Variants in CDH4 observed in about 807,000 individuals in gnomAD.
CDH4 encodes cadherin 4, also known as cadherin-4.
In CDH4, 33 loss-of-function variants were observed where a neutral mutation model predicts 86.0. The observed-to-expected ratio is 0.38, with a 90% CI of 0.29 to 0.51. CDH4 has a LOEUF of 0.51. Among genes scored for constraint, CDH4 ranks in the 20% least tolerant of loss-of-function variants. The pLI is 0.86. For synonymous variants in CDH4, 555 were observed against 549.4 expected, an observed-to-expected ratio of 1.01 and a Z score of -0.14; for missense variants, 1,114 against 1,307.4, an observed-to-expected ratio of 0.85 and a Z score of 2.28.
At chr20:61,859,847 C>T (rs1983235792) in intron 6 of CDH4, among the ~76,000 whole-genome samples, 1 of 152,278 alleles carries the variant, frequency 6.6e-6, no homozygotes, top group Admixed American at 6.5e-5. Context: ...ATGCCCTGGC[C>T]TTCACCTGTG....
chr20:61,751,837 T>C (rs1430325889), intron 3 of CDH4, among the ~76,000 whole-genome samples: 1 of 152,146 alleles, frequency 6.6e-6, no homozygotes, highest in African/African-American at 2.4e-5. Context: ...GCTGGGCCAA[T>C]GGGGCATCTT....
chr20:61,721,341 A>G (rs557635679), intron 2 of CDH4, among the ~76,000 whole-genome samples: 211 of 152,326 alleles, frequency 1.4e-3, no homozygotes, highest in African/African-American at 4.9e-3. Context: ...ATGGTTGGCC[A>G]GGCTGCTGGA....
chr20:61,871,832 C>T (rs1983815580), intron 6 of CDH4, among the ~76,000 whole-genome samples: 1 of 152,226 alleles, frequency 6.6e-6, no homozygotes, highest in Admixed American at 6.5e-5. Context: ...CTTTGAAGTG[C>T]TCCTGCCTCC....
At chr20:61,380,523 A>ACCGC (rs141105277) in intron 2 of CDH4, among the ~76,000 whole-genome samples, 85 of 148,878 alleles carry the variant, frequency 5.7e-4, no homozygotes, top group African/African-American at 9.8e-4. Flanking sequence ...CCATCCTACA[A>ACCGC]ACCCCCCTGC....
intron 2 of CDH4, among the ~76,000 whole-genome samples, chr20:61,634,923 G>A (rs188778039): frequency 2.0e-4 from 31 of 152,250 alleles, no homozygotes; most frequent in African/African-American, 6.7e-4. Flanking sequence ...TCTTGTGACC[G>A]GCTTATTTCA....
intron 2 of CDH4, among the ~76,000 whole-genome samples, chr20:61,635,951 A>G (rs972287896): frequency 6.6e-6 from 1 of 152,208 alleles, no homozygotes; most frequent in Non-Finnish European, 1.5e-5. Flanking sequence ...AGGGAGGGGC[A>G]GAGAGCATTT....
Position 61,501,319 on chromosome 20 carries a change from G to C in CDH4, c.170-242244G>C, listed in dbSNP as rs1003820825. ...TAATACATTATTGCCTCTGGCTTCC[G>C]TGCAGAACAGCGGTTAGAGACGGGT... On this transcript the variant is annotated intron_variant, in intron 2 of 15. Transcript: ENST00000614565. This position sits in a 1 kb window ranked among gnomAD's most constrained non-coding sequence, Gnocchi z 4.2. 1.3e-5 allele frequency among the ~76,000 whole-genome samples: 2 copies of C among 152,176 alleles called. No homozygotes were observed. Among genetic ancestry groups the C allele is most frequent in the Non-Finnish European group, 1.5e-5 (1 of 68,026 alleles).
chr20:61,472,797 A>G (rs2085512538), intron 2 of CDH4, among the ~76,000 whole-genome samples: 1 of 152,226 alleles, frequency 6.6e-6, no homozygotes, highest in Admixed American at 6.5e-5. Flanking sequence ...AGCAAATAAT[A>G]CTGCTGAATG....
intron 4 of CDH4, among the ~76,000 whole-genome samples, chr20:61,820,728 T>C (rs375283181): frequency 1.3e-5 from 2 of 152,298 alleles, no homozygotes; most frequent in East Asian, 3.9e-4. Context: ...ACCCCTGGGT[T>C]ACTGCATACA....
At chr20:61,434,271 T>C (rs1474728709) in intron 2 of CDH4, among the ~76,000 whole-genome samples, 1 of 152,178 alleles carries the variant, frequency 6.6e-6, no homozygotes, top group Non-Finnish European at 1.5e-5. Flanking sequence ...AGACTTTGCA[T>C]AATCGAATTT....
rs869235928 is a variant in CDH4, at chr20:61,422,424, CAAAAAAAAAAAAAAAAAAAAAAA to C, written c.169+167508_169+167530del. Among the ~76,000 whole-genome samples the C allele has an allele frequency of 9.4e-4, 21 of 22,260 alleles. No individual in the cohort carries two copies. The South Asian group carries it at 0.018, about 19-fold the overall frequency. The allele number at this position is 22,260 out of a possible 152,430, so 14.6% of individuals were successfully genotyped here. On this transcript the variant is annotated intron_variant, in intron 2 of 15. Transcript: ENST00000614565. ...GGGCAATAAGAGCAAAACTCCGTCT[CAAAAAAAAAAAAAAAAAAAAAAA>C]AAAAAAAAAAAAAAAAAAAACCAAA...
In CDH4 at chr20:61,810,830, G is replaced by C. The variant is rs1363451420; in HGVS notation, c.577-33838G>C. On this transcript the variant is annotated intron_variant, in intron 4 of 15. Coordinates refer to ENST00000614565, the MANE Select transcript of CDH4 (RefSeq NM_001794.5). This position sits in a 1 kb window ranked among gnomAD's most constrained non-coding sequence, Gnocchi z 4.3. Reference sequence around the variant, plus strand: ...GGTGGTCACTTCTCCAGTCTCAGCTGCTCAACAGAGCCACTGCCCCTTGGC... The same window carrying C: ...GGTGGTCACTTCTCCAGTCTCAGCTCCTCAACAGAGCCACTGCCCCTTGGC... 3.3e-5 allele frequency among the ~76,000 whole-genome samples: 5 copies of C among 152,196 alleles called. No homozygotes were observed. Among genetic ancestry groups the C allele is most frequent in the African/African-American group, 9.6e-5 (4 of 41,470 alleles).
At chr20:61,884,016 A>AG (rs1670189824) in intron 7 of CDH4, among the ~76,000 whole-genome samples, 1 of 152,060 alleles carries the variant, frequency 6.6e-6, no homozygotes, top group South Asian at 2.1e-4. Flanking sequence ...CCCCAACAGC[A>AG]GGCCGAGGGA....
intron 2 of CDH4, among the ~76,000 whole-genome samples, chr20:61,639,714 A>AT: frequency 6.6e-6 from 1 of 151,466 alleles, no homozygotes; most frequent in Non-Finnish European, 1.5e-5. Context: ...CTGGCTATTT[A>AT]TATTCTTAAC....
chr20:61,275,913 G>A (rs1237995759), intron 2 of CDH4, among the ~76,000 whole-genome samples: 1 of 152,066 alleles, frequency 6.6e-6, no homozygotes, highest in Non-Finnish European at 1.5e-5. Context: ...CTTCTCTCTA[G>A]GAAGTGATTT....
At chr20:61,702,575 G>A (rs1199742478) in intron 2 of CDH4, among the ~76,000 whole-genome samples, 2 of 152,234 alleles carry the variant, frequency 1.3e-5, no homozygotes, top group Non-Finnish European at 2.9e-5. Context: ...AGCTGAGTGC[G>A]ACCTTGAGCC....
intron 2 of CDH4, among the ~76,000 whole-genome samples, chr20:61,277,410 A>T (rs1176009555): frequency 6.6e-6 from 1 of 152,144 alleles, no homozygotes; most frequent in East Asian, 1.9e-4. Context: ...CAGCGAGAGA[A>T]GTGTGAGGGG....
chr20:61,834,056 G>A (rs956845210), intron 4 of CDH4, among the ~76,000 whole-genome samples: 7 of 152,204 alleles, frequency 4.6e-5, no homozygotes, highest in Non-Finnish European at 1.0e-4. Context: ...ATTGGTCCAC[G>A]TGGGGTCCCA....
At chr20:61,721,029 G>A (rs539823388) in intron 2 of CDH4, among the ~76,000 whole-genome samples, 10 of 152,244 alleles carry the variant, frequency 6.6e-5, no homozygotes, top group African/African-American at 1.9e-4. Flanking sequence ...GTGTCCCCCC[G>A]GCTCCCTGCC....
Sources: allele counts gnomAD v4.1 joint callset (sites outside exome capture counted in the v4.1 genomes callset), GRCh38; gene constraint gnomAD v4.1.1; non-coding constraint Gnocchi (gnomAD v3.1); transcripts MANE v1.5; gene names NCBI Gene and HGNC (gene_info 2026-07-23, HGNC 2026-07-21).